Variants in NAALADL2 observed in about 807,000 individuals in gnomAD.
NAALADL2 encodes inactive N-acetylated-alpha-linked acidic dipeptidase-like protein 2.
In NAALADL2, 76 loss-of-function variants were observed where a neutral mutation model predicts 87.2. The ratio of observed to expected loss-of-function variants is 0.87; its 90% CI spans 0.72 to 1.05. NAALADL2 has a LOEUF of 1.05. Among genes scored for constraint, NAALADL2 ranks in the 50% least tolerant of loss-of-function variants. The probability of loss-of-function intolerance (pLI) is 0.00; values close to 1 mark genes in which losing one functional copy is unlikely to be tolerated. For synonymous variants in NAALADL2, 354 were observed against 331.0 expected (o/e 1.07, Z -0.75); for missense variants, 1,089 against 945.8 (o/e 1.15, Z -1.99).
At chr3:174,779,143 G>A (rs1715607163) in intron 3 of NAALADL2, among the ~76,000 whole-genome samples, 2 of 152,082 alleles carry the variant, frequency 1.3e-5, no homozygotes, top group Admixed American at 6.6e-5. Flanking sequence ...AGCATCTGTT[G>A]TTTCCTGACT....
chr3:175,044,054 T>A (rs1293701164), intron 1 of NAALADL2, among the ~76,000 whole-genome samples: 1 of 152,176 alleles, frequency 6.6e-6, no homozygotes, highest in Non-Finnish European at 1.5e-5. Flanking sequence ...ATTTCTTTCA[T>A]CAATGTTTTA....
At chr3:175,311,150 T>A (rs1758314974) in intron 4 of NAALADL2, among the ~76,000 whole-genome samples, 2 of 152,030 alleles carry the variant, frequency 1.3e-5, no homozygotes, top group Admixed American at 1.3e-4. Flanking sequence ...GGATACTTCT[T>A]TCTGAAAATA....
rs1342295973 is a variant in NAALADL2 at position 175,305,989 on chromosome 3, A to G, written c.940-18186A>G. Among the ~76,000 whole-genome samples the G allele has an allele frequency of 6.6e-5, 10 of 152,192 alleles. No individual in the cohort carries two copies. The East Asian group carries it at 1.9e-3, about 29-fold the overall frequency. On this transcript the variant is annotated intron_variant, in intron 4 of 13. Transcript: ENST00000454872. ...TTTTAAGATTTTTTTGATAAAAAAC[A>G]TATTGCTAGGATTTCATTCTCTTTA...
chr3:175,331,171 A>G (rs1761347987), intron 5 of NAALADL2, among the ~76,000 whole-genome samples: 1 of 149,642 alleles, frequency 6.7e-6, no homozygotes. Context: ...TCCAACAACA[A>G]CAAAAAAACC....
intron 2 of NAALADL2, among the ~76,000 whole-genome samples, chr3:174,621,756 C>T (rs571186799): frequency 3.0e-4 from 45 of 152,110 alleles, no homozygotes; most frequent in Non-Finnish European, 5.4e-4. Context: ...AGGCAAAATA[C>T]TATACTTACG....
chr3:175,089,043 G>A (rs1719595807), intron 1 of NAALADL2, among the ~76,000 whole-genome samples: 1 of 152,100 alleles, frequency 6.6e-6, no homozygotes, highest in African/African-American at 2.4e-5. Context: ...AATTGTAAAT[G>A]TTGTTAAGAA....
At chr3:174,745,292 C>T (rs759887945) in intron 3 of NAALADL2, among the ~76,000 whole-genome samples, 20 of 152,036 alleles carry the variant, frequency 1.3e-4, no homozygotes, top group Non-Finnish European at 2.8e-4. Flanking sequence ...ATACAAACAA[C>T]CATCACAGAA....
At chr3:174,722,864 A>G (rs1731833447) in intron 2 of NAALADL2, among the ~76,000 whole-genome samples, 1 of 152,218 alleles carries the variant, frequency 6.6e-6, no homozygotes, top group Admixed American at 6.5e-5. Flanking sequence ...CCAATTCAGT[A>G]AATTCAGTAG....
intron 1 of NAALADL2, among the ~76,000 whole-genome samples, chr3:174,517,739 G>A (rs1172939832): frequency 6.6e-6 from 1 of 152,040 alleles, no homozygotes; most frequent in African/African-American, 2.4e-5. Flanking sequence ...CTACATTGAT[G>A]ATACAAGGAA....
chr3:175,078,684 A>G (rs886271404), intron 1 of NAALADL2, among the ~76,000 whole-genome samples: 2 of 152,188 alleles, frequency 1.3e-5, no homozygotes, highest in African/African-American at 2.4e-5. Flanking sequence ...AAAAGTATCC[A>G]ATACGTGGTC....
At position 174,831,016 on chromosome 3, in the gene NAALADL2, A is replaced by T. The variant is rs562899052; in HGVS notation, c.-9+93270A>T. On this transcript the variant is annotated intron_variant, in intron 3 of 3. Coordinates refer to the NAALADL2 transcript ENST00000434257. ...CTTAAGGAGATTTTGGGCTGAGACA[A>T]TGGTGTTTTCTAGATATACAATCAT... Among the ~76,000 whole-genome samples the T allele has an allele frequency of 4.0e-5, 6 of 150,570 alleles. No individual in the cohort carries two copies. In the East Asian group the frequency reaches 1.2e-3, roughly 29 times the overall value.
intron 1 of NAALADL2, among the ~76,000 whole-genome samples, chr3:174,464,827 A>T (rs1218888536): frequency 6.6e-6 from 1 of 152,056 alleles, no homozygotes; most frequent in Non-Finnish European, 1.5e-5. Flanking sequence ...TTCACTCTTC[A>T]GGTAAAAATG....
chr3:174,882,522 T>TACACAC (rs1560318027), intron 1 of NAALADL2, among the ~76,000 whole-genome samples: 5 of 150,860 alleles, frequency 3.3e-5, no homozygotes, highest in African/African-American at 1.2e-4. Flanking sequence ...CATATGTGCA[T>TACACAC]ATACACATAT....
intron 2 of NAALADL2, among the ~76,000 whole-genome samples, chr3:174,558,630 G>C (rs570378287): frequency 6.6e-6 from 1 of 152,136 alleles, no homozygotes; most frequent in Admixed American, 6.5e-5. Context: ...GATCTGGCAG[G>C]GGGAGAAGCT....
intron 2 of NAALADL2, among the ~76,000 whole-genome samples, chr3:174,581,753 C>T (rs1243971200): frequency 6.6e-6 from 1 of 152,122 alleles, no homozygotes; most frequent in Admixed American, 6.6e-5. Flanking sequence ...ATGACTAGTT[C>T]TGGCCAGTGA....
At chr3:175,795,535 T>C (rs62287271) in intron 13 of NAALADL2, among the ~76,000 whole-genome samples, 3 of 146,404 alleles carry the variant, frequency 2.0e-5, no homozygotes, top group Admixed American at 6.7e-5. Flanking sequence ...AAAAAAAAAT[T>C]AGCTGGGCGT....
intron 6 of NAALADL2, among the ~76,000 whole-genome samples, chr3:175,460,450 T>C (rs887517735): frequency 5.3e-5 from 8 of 152,182 alleles, no homozygotes; most frequent in African/African-American, 1.7e-4. Flanking sequence ...CTTCTGTCAG[T>C]TGGAAGGATC....
chr3:174,666,568 C>A (rs565529475), intron 2 of NAALADL2, among the ~76,000 whole-genome samples: 3 of 152,020 alleles, frequency 2.0e-5, no homozygotes, highest in African/African-American at 7.2e-5. Flanking sequence ...TTAAATATAC[C>A]AACATGAGAA....
intron 11 of NAALADL2, among the ~76,000 whole-genome samples, chr3:175,655,283 G>A (rs1731304891): frequency 6.6e-6 from 1 of 151,842 alleles, no homozygotes; most frequent in South Asian, 2.1e-4. Flanking sequence ...AAATAGGTGA[G>A]TATCTACATA....
Sources: gnomAD v4.1 joint callset for allele counts (sites outside exome capture counted in the v4.1 genomes callset) on GRCh38, gnomAD v4.1.1 for gene constraint, MANE v1.5 for transcripts, NCBI Gene and HGNC (gene_info 2026-07-23, HGNC 2026-07-21) for gene names.